Variants in GPM6A observed in about 807,000 individuals in gnomAD.
GPM6A encodes the protein glycoprotein M6A, also known as neuronal membrane glycoprotein M6-a.
A neutral mutation model predicts 32.1 loss-of-function variants in GPM6A; 7 were observed. The observed-to-expected ratio is 0.22, with a 90% CI of 0.12 to 0.41. The LOEUF is 0.41. Among genes scored for constraint, GPM6A ranks in the 10% least tolerant of loss-of-function variants. The probability of loss-of-function intolerance (pLI) is 1.00; values close to 1 mark genes in which losing one functional copy is unlikely to be tolerated. For synonymous variants in GPM6A, 130 were observed against 123.4 expected, an observed-to-expected ratio of 1.05 and a Z score of -0.35; for missense variants, 235 against 347.2, an observed-to-expected ratio of 0.68 and a Z score of 2.57.
At chr4:175,665,206 A>AGGG (rs1160205367) in intron 3 of GPM6A, among the ~76,000 whole-genome samples, 4 of 152,152 alleles carry the variant, frequency 2.6e-5, no homozygotes, top group African/African-American at 9.7e-5. Flanking sequence ...TCTTTATCAC[A>AGGG]GACTTTAATC....
At chr4:175,873,099 TTAGA>T (rs1282010217) in intron 1 of GPM6A, among the ~76,000 whole-genome samples, 4 of 152,098 alleles carry the variant, frequency 2.6e-5, no homozygotes, top group East Asian at 1.9e-4. Context: ...GTTCAATTGA[TTAGA>T]TAGATAGATA....
At chr4:175,853,672 A>G (rs1197953191) in intron 1 of GPM6A, among the ~76,000 whole-genome samples, 2 of 152,134 alleles carry the variant, frequency 1.3e-5, no homozygotes, top group Non-Finnish European at 2.9e-5. Context: ...AAAACAAAAA[A>G]GGAAAGGAAA....
intron 1 of GPM6A, among the ~76,000 whole-genome samples, chr4:175,837,834 A>T (rs2111379002): frequency 6.6e-6 from 1 of 152,194 alleles, no homozygotes; most frequent in African/African-American, 2.4e-5. Context: ...AAGCTTGGAG[A>T]TCGCTATTTT....
chr4:175,993,039 C>T (rs1199210676), intron 1 of GPM6A, among the ~76,000 whole-genome samples: 2 of 152,096 alleles, frequency 1.3e-5, no homozygotes, highest in East Asian at 1.9e-4. Context: ...GATCATTCCC[C>T]TTCTGAAATC....
chr4:175,689,802 G>A (rs1287201747), intron 2 of GPM6A, among the ~76,000 whole-genome samples: 1 of 151,652 alleles, frequency 6.6e-6, no homozygotes. Flanking sequence ...ATTTCACTGA[G>A]ATGTTCTCAG....
intron 4 of GPM6A, among the ~76,000 whole-genome samples, chr4:175,649,285 G>C (rs577650243): frequency 1.3e-5 from 2 of 152,246 alleles, no homozygotes; most frequent in South Asian, 4.1e-4. Context: ...ATACTTAGTG[G>C]TATAAGCCTT....
chr4:175,785,326 G>A (rs1733759435), intron 1 of GPM6A, among the ~76,000 whole-genome samples: 2 of 152,150 alleles, frequency 1.3e-5, no homozygotes, highest in Admixed American at 1.3e-4. Flanking sequence ...AAGCTCTGAG[G>A]AGACTGCAGA....
intron 1 of GPM6A, among the ~76,000 whole-genome samples, chr4:175,894,119 T>G (rs1737725287): frequency 6.6e-6 from 1 of 152,204 alleles, no homozygotes; most frequent in Admixed American, 6.5e-5. Context: ...TCACAAGTGC[T>G]TTATCCACCT....
chr4:175,680,996 A>C (rs1743654223), intron 2 of GPM6A, among the ~76,000 whole-genome samples: 1 of 152,170 alleles, frequency 6.6e-6, no homozygotes, highest in South Asian at 2.1e-4. Context: ...TCATTTATTC[A>C]CAAAATCTCC....
intron 1 of GPM6A, among the ~76,000 whole-genome samples, chr4:175,913,794 C>T (rs1399588182): frequency 6.6e-6 from 1 of 152,134 alleles, no homozygotes; most frequent in Admixed American, 6.6e-5. Context: ...TGTAAACCCA[C>T]CCGGATAGCA....
intron 1 of GPM6A, among the ~76,000 whole-genome samples, chr4:175,758,022 T>C (rs1318336916): frequency 6.6e-6 from 1 of 152,046 alleles, no homozygotes; most frequent in East Asian, 1.9e-4. Flanking sequence ...AATGGAGAAG[T>C]AAGTGCCATC....
At chr4:175,639,979 C>G (rs1741041716) in intron 6 of GPM6A, 150 bp downstream of exon 6, 1 of 720,288 alleles carries the variant, frequency 1.4e-6, no homozygotes, top group South Asian at 1.5e-5. Flanking sequence ...TGTTGACTTA[C>G]TTACCCATTG....
intron 1 of GPM6A, among the ~76,000 whole-genome samples, chr4:175,881,575 C>A (rs552479919): frequency 6.6e-6 from 1 of 152,218 alleles, no homozygotes; most frequent in South Asian, 2.1e-4. Flanking sequence ...CTCACAATAG[C>A]AAAGACTTGG....
chr4:175,858,889 T>C (rs1210514056), intron 1 of GPM6A, among the ~76,000 whole-genome samples: 2 of 152,170 alleles, frequency 1.3e-5, no homozygotes, highest in East Asian at 3.8e-4. Context: ...TTCTATTTGA[T>C]AGTAAAATGG....
intron 1 of GPM6A, among the ~76,000 whole-genome samples, chr4:175,745,183 G>T (rs116664755): frequency 4.9e-4 from 74 of 152,124 alleles, no homozygotes; most frequent in African/African-American, 1.7e-3. Flanking sequence ...ATATTCATGC[G>T]CTAAATGTAA....
intron 3 of GPM6A, among the ~76,000 whole-genome samples, chr4:175,667,292 ACCTT>A (rs893685036): frequency 6.6e-6 from 1 of 152,166 alleles, no homozygotes; most frequent in African/African-American, 2.4e-5. Context: ...TATCTCTGTA[ACCTT>A]CCTCCTCATA....
intron 1 of GPM6A, among the ~76,000 whole-genome samples, chr4:175,883,033 C>T (rs1737332047): frequency 6.6e-6 from 1 of 152,072 alleles, no homozygotes; most frequent in Admixed American, 6.5e-5. Flanking sequence ...TTTCTTTAGA[C>T]ACACTAAAGT....
intron 2 of GPM6A, 24 bp from the exon 3 acceptor site, chr4:175,673,860 T>G (rs773726678): frequency 1.9e-6 from 3 of 1,547,708 alleles, no homozygotes; most frequent in Non-Finnish European, 2.7e-6. Flanking sequence ...CAAAGTGATT[T>G]ATTTCAATAA....
chr4:175,904,370 A>G (rs1191496288), intron 1 of GPM6A, among the ~76,000 whole-genome samples: 1 of 152,196 alleles, frequency 6.6e-6, no homozygotes, highest in Non-Finnish European at 1.5e-5. Context: ...CTAACATAAA[A>G]GATATTTGAC....
Sources: allele counts gnomAD v4.1 joint callset (sites outside exome capture counted in the v4.1 genomes callset), GRCh38; gene constraint gnomAD v4.1.1; transcripts MANE v1.5; gene names NCBI Gene and HGNC (gene_info 2026-07-23, HGNC 2026-07-21).